Variants in DLGAP2 observed in about 807,000 individuals in gnomAD.
DLGAP2 encodes the protein disks large-associated protein 2.
DLGAP2 carries 26 observed loss-of-function variants against 100.3 expected under a neutral mutation model. That is an observed-to-expected ratio of 0.26 (90% CI 0.19 to 0.36). The LOEUF (loss-of-function observed/expected upper bound fraction) is 0.36. Ranked by LOEUF, DLGAP2 falls within the 10% of genes least tolerant of loss-of-function variation. The probability of loss-of-function intolerance (pLI) is 1.00; values close to 1 mark genes in which losing one functional copy is unlikely to be tolerated. For missense variants in DLGAP2, 1,858 were observed against 1,453.2 expected (o/e 1.28, Z -4.53); for synonymous variants, 886 against 630.1 (o/e 1.41, Z -6.08).
chr8:1,282,550 T>C (rs1165023005), intron 3 of DLGAP2, among the ~76,000 whole-genome samples: 1 of 117,314 alleles, frequency 8.5e-6, no homozygotes, highest in African/African-American at 3.4e-5. Context: ...CATCCGGACA[T>C]GGTGTGACCT....
chr8:812,234 G>A (rs192537474), intron 1 of DLGAP2, among the ~76,000 whole-genome samples: 4 of 152,284 alleles, frequency 2.6e-5, no homozygotes, highest in Admixed American at 2.6e-4. Context: ...GCGAGGGTTC[G>A]AAGGCCGTCT....
Position 1,420,292 on chromosome 8 carries a change from C to T in DLGAP2, c.107-81074C>T, listed in dbSNP as rs908679927. 2.6e-5 allele frequency among the ~76,000 whole-genome samples: 4 copies of T among 152,086 alleles called. No homozygotes were observed. In the East Asian group the frequency reaches 7.7e-4, roughly 29 times the overall value. ...GACTGTCCTTTCAACCTTTATTGCC[C>T]TTATTACTTAGGAAACCATGGGGTT... is the stretch of plus-strand genomic sequence containing the variant. On this transcript the variant is annotated intron_variant, in intron 3 of 14. Coordinates refer to ENST00000637795, the MANE Select transcript of DLGAP2 (RefSeq NM_001346810.2).
rs528593847 is a variant in DLGAP2 at position 1,059,626 on chromosome 8, T to C, written c.73+151660T>C. 9.6e-4 allele frequency among the ~76,000 whole-genome samples: 146 copies of C among 152,280 alleles called. 1 individual carries two copies. Among genetic ancestry groups the C allele is most frequent in the African/African-American group, 3.5e-3 (145 of 41,576 alleles). On this transcript the variant is annotated intron_variant, in intron 2 of 14. Coordinates refer to ENST00000637795, the MANE Select transcript of DLGAP2 (RefSeq NM_001346810.2). ...TTTTGTTCTGGTTTGCTCCCTCCTG[T>C]GTCCCCACCACTTCACAAATGCCTG...
At chr8:1,517,650 A>G (rs1205715110) in intron 4 of DLGAP2, among the ~76,000 whole-genome samples, 1 of 152,140 alleles carries the variant, frequency 6.6e-6, no homozygotes, top group Non-Finnish European at 1.5e-5. Context: ...TGCACCACAC[A>G]GCAGAAGGGC....
chr8:1,464,513 TTCCAGGAAAG>T (rs1798564560), intron 3 of DLGAP2, among the ~76,000 whole-genome samples: 1 of 98,770 alleles, frequency 1.0e-5, no homozygotes, highest in Non-Finnish European at 2.1e-5. Context: ...GACGGCACCC[TTCCAGGAAAG>T]CACCCTTCCA....
At chr8:1,111,463 G>T (rs915695915) in intron 2 of DLGAP2, among the ~76,000 whole-genome samples, 1 of 151,804 alleles carries the variant, frequency 6.6e-6, no homozygotes, top group African/African-American at 2.4e-5. Flanking sequence ...GTTAACTCAT[G>T]TCACAGAGAT....
chr8:980,001 C>G (rs1800282571), intron 2 of DLGAP2, among the ~76,000 whole-genome samples: 1 of 152,170 alleles, frequency 6.6e-6, no homozygotes, highest in South Asian at 2.1e-4. Flanking sequence ...TGTCTGCAAC[C>G]TCTAGGACTT....
intron 3 of DLGAP2, among the ~76,000 whole-genome samples, chr8:1,289,984 G>T (rs1800023060): frequency 6.6e-6 from 1 of 152,216 alleles, no homozygotes; most frequent in Admixed American, 6.5e-5. Flanking sequence ...TAGGCAGAAA[G>T]GAAGGGGTAG....
At chr8:1,026,123 C>G (rs1801792400) in intron 2 of DLGAP2, among the ~76,000 whole-genome samples, 1 of 152,224 alleles carries the variant, frequency 6.6e-6, no homozygotes, top group South Asian at 2.1e-4. Context: ...GTCTGGCGTC[C>G]TCGAACATGC....
chr8:1,458,588 G>C (rs920878902), intron 3 of DLGAP2, among the ~76,000 whole-genome samples: 2 of 152,188 alleles, frequency 1.3e-5, no homozygotes, highest in Non-Finnish European at 2.9e-5. Flanking sequence ...CTGCAAAGTG[G>C]TGTGTAAATG....
At chr8:900,263 T>G in intron 1 of DLGAP2, among the ~76,000 whole-genome samples, 1 of 141,814 alleles carries the variant, frequency 7.1e-6, no homozygotes, top group Non-Finnish European at 1.5e-5. Flanking sequence ...AGGCGGACGG[T>G]CGGCGCCATC....
At chr8:1,236,333 ACATGGCGCCG>A (rs1798654777) in intron 2 of DLGAP2, among the ~76,000 whole-genome samples, 16 of 54,864 alleles carry the variant, frequency 2.9e-4, no homozygotes, top group African/African-American at 1.0e-3. Flanking sequence ...TGGTTCTCTC[ACATGGCGCCG>A]TGTCTAGTTC....
At chr8:1,107,361 C>G (rs767340035) in intron 2 of DLGAP2, among the ~76,000 whole-genome samples, 1 of 152,148 alleles carries the variant, frequency 6.6e-6, no homozygotes, top group Non-Finnish European at 1.5e-5. Flanking sequence ...GCTGAGCCCC[C>G]GCACCCGGGC....
At chr8:1,573,282 G>T (rs1802820374) in intron 6 of DLGAP2, among the ~76,000 whole-genome samples, 1 of 137,002 alleles carries the variant, frequency 7.3e-6, no homozygotes, top group Non-Finnish European at 1.6e-5. Flanking sequence ...TGGACTGTGG[G>T]GGTGTCTGAT....
intron 8 of DLGAP2, among the ~76,000 whole-genome samples, chr8:1,636,393 C>G (rs992011203): frequency 6.6e-6 from 1 of 152,178 alleles, no homozygotes; most frequent in Admixed American, 6.5e-5. Context: ...AGCAACTTGT[C>G]TCTCAAGGGT....
intron 2 of DLGAP2, among the ~76,000 whole-genome samples, chr8:1,256,854 C>A (rs1179214266): frequency 6.6e-6 from 1 of 152,124 alleles, no homozygotes; most frequent in African/African-American, 2.4e-5. Context: ...GCCCCGTGTC[C>A]CCTGGGTAAC....
intron 2 of DLGAP2, among the ~76,000 whole-genome samples, chr8:979,861 G>T (rs1235008261): frequency 5.3e-5 from 8 of 152,208 alleles, no homozygotes; most frequent in Admixed American, 3.9e-4. Flanking sequence ...TCAGTCCTTT[G>T]GGAGGAAGTT....
chr8:1,308,675 G>A (rs1249592046), intron 3 of DLGAP2, among the ~76,000 whole-genome samples: 6 of 152,046 alleles, frequency 3.9e-5, no homozygotes, highest in South Asian at 2.1e-4. Flanking sequence ...ACAGGTGCCC[G>A]CTACCATGAC....
At chr8:1,008,833 C>T (rs1019386091) in intron 2 of DLGAP2, among the ~76,000 whole-genome samples, 4 of 152,228 alleles carry the variant, frequency 2.6e-5, no homozygotes, top group African/African-American at 7.2e-5. Flanking sequence ...AGAGGGGCCC[C>T]GGGCCTCCTA....
Sources: allele counts gnomAD v4.1 joint callset (sites outside exome capture counted in the v4.1 genomes callset), GRCh38; gene constraint gnomAD v4.1.1; transcripts MANE v1.5; gene names NCBI Gene and HGNC (gene_info 2026-07-23, HGNC 2026-07-21).